The following P2RX5 variants were observed in gnomAD, a reference collection of about 807,000 sequenced individuals.
P2RX5 encodes P2X purinoceptor 5.
In P2RX5, 46 loss-of-function variants were observed where a neutral mutation model predicts 54.1. That is an observed-to-expected ratio of 0.85 (90% CI 0.67 to 1.09). P2RX5 has a LOEUF of 1.09. P2RX5 is among the 50% of genes least tolerant of loss of function. P2RX5 has a pLI of 0.00. For synonymous variants in P2RX5, 226 were observed against 226.4 expected, an observed-to-expected ratio of 1.00 and a Z score of 0.02; for missense variants, 566 against 549.8, an observed-to-expected ratio of 1.03 and a Z score of -0.29.
chr17:3,697,560 G>A (rs1189903292), upstream of P2RX5, among the ~76,000 whole-genome samples: 1 of 152,152 alleles, frequency 6.6e-6, no homozygotes, highest in Non-Finnish European at 1.5e-5. Flanking sequence ...AAATTCATCA[G>A]TGTGATTCTA....
chr17:3,680,217 A>C (rs972176748), intron 10 of P2RX5, among the ~76,000 whole-genome samples: 1 of 48,704 alleles, frequency 2.1e-5, no homozygotes, highest in Non-Finnish European at 4.1e-5. Flanking sequence ...TCCACCCTGC[A>C]TCCTCCACCC....
chr17:3,713,454 T>C, the P2RX5 span, among the ~76,000 whole-genome samples: 1 of 152,110 alleles, frequency 6.6e-6, no homozygotes, highest in Non-Finnish European at 1.5e-5. Context: ...AGAGTGTTTT[T>C]AAAAATCTCA....
At chr17:3,723,817 G>GC in the P2RX5 span, 1 of 1,571,114 alleles carries the variant, frequency 6.4e-7, no homozygotes, top group Non-Finnish European at 8.6e-7. Context: ...CCCGGCCCCG[G>GC]CCCTGGCGAG....
At chr17:3,720,437 C>CT in the P2RX5 span, 1 of 964,166 alleles carries the variant, frequency 1.0e-6, no homozygotes, top group South Asian at 1.3e-5. Context: ...GGAAACAAAA[C>CT]ATATTTTAGA....
In P2RX5 at chr17:3,689,872, G is replaced by A. The variant is rs992962626; in HGVS notation, c.614+198C>T. Among the ~76,000 whole-genome samples the A allele has an allele frequency of 2.6e-5, 4 of 151,280 alleles. 1 individual carries two copies. The highest frequency in any genetic ancestry group is 2.0e-4 in the Admixed American group (3 of 15,210). ...CACGCGTGCACGCACGCACACACGC[G>A]AACACACGCACACACACAAACGCAC... On this transcript the variant is annotated intron_variant, in intron 6 of 11. Coordinates refer to ENST00000225328, the MANE Select transcript of P2RX5 (RefSeq NM_002561.4).
chr17:3,683,468 C>T (rs910078271), intron 9 of P2RX5, among the ~76,000 whole-genome samples: 1 of 152,252 alleles, frequency 6.6e-6, no homozygotes, highest in African/African-American at 2.4e-5. Context: ...CGCAGTGGCT[C>T]ACGCCTGTGA....
At chr17:3,692,984 C>A (rs1477672644) in intron 1 of P2RX5, among the ~76,000 whole-genome samples, 1 of 151,732 alleles carries the variant, frequency 6.6e-6, no homozygotes, top group Non-Finnish European at 1.5e-5. Context: ...AAAAGACAAC[C>A]CACAGAATGG....
At chr17:3,700,887 G>A (rs536112689), upstream of P2RX5, among the ~76,000 whole-genome samples, 1 of 152,188 alleles carries the variant, frequency 6.6e-6, no homozygotes, top group South Asian at 2.1e-4. Flanking sequence ...CACCATGATT[G>A]GAAGCTTCCT....
chr17:3,677,394 C>G, intron 11 of P2RX5: 1 of 985,390 alleles, frequency 1.0e-6, no homozygotes, highest in South Asian at 4.7e-5. Context: ...TCCCCTTCCC[C>G]ATCTTACCTA....
upstream of P2RX5, among the ~76,000 whole-genome samples, chr17:3,697,668 A>G (rs1274623924): frequency 6.6e-6 from 1 of 152,226 alleles, no homozygotes; most frequent in Non-Finnish European, 1.5e-5. Context: ...TCAAATTTTC[A>G]TTCACGAAAT....
At chr17:3,703,726 TC>T in the P2RX5 span, among the ~76,000 whole-genome samples, 3 of 151,328 alleles carry the variant, frequency 2.0e-5, no homozygotes, top group Non-Finnish European at 4.4e-5. Flanking sequence ...AAATAACACC[TC>T]CCCCTTAGCC....
the P2RX5 span, chr17:3,723,193 A>G: frequency 1.1e-5 from 10 of 886,636 alleles, no homozygotes; most frequent in East Asian, 4.9e-5. Context: ...TATTTTGGAC[A>G]TGGACATGTT....
At chr17:3,693,830 CT>C (rs758536424) in intron 1 of P2RX5, among the ~76,000 whole-genome samples, 1,832 of 146,756 alleles carry the variant, frequency 0.012, 14 homozygotes, top group Middle Eastern at 0.025. Flanking sequence ...CATTCTTCTT[CT>C]TTTTTTTTTT....
the P2RX5 span, among the ~76,000 whole-genome samples, chr17:3,715,518 G>A: frequency 6.6e-6 from 1 of 152,132 alleles, no homozygotes; most frequent in Non-Finnish European, 1.5e-5. Context: ...CAGCCTACGC[G>A]TACGCAGAGG....
At chr17:3,691,884 C>A (rs2050627816) in intron 1 of P2RX5, 90 bp from the exon 2 acceptor site, 2 of 1,361,668 alleles carry the variant, frequency 1.5e-6, no homozygotes, top group Non-Finnish European at 2.1e-6. Context: ...GCAGTCACAG[C>A]AACTCCTAGT....
At chr17:3,715,936 C>T in the P2RX5 span, among the ~76,000 whole-genome samples, 1 of 152,046 alleles carries the variant, frequency 6.6e-6, no homozygotes, top group Non-Finnish European at 1.5e-5. Flanking sequence ...GCGGGAGGAT[C>T]ACAAGGTCAG....
chr17:3,716,607 G>T, the P2RX5 span: 2 of 820,980 alleles, frequency 2.4e-6, no homozygotes, highest in South Asian at 3.0e-5. Flanking sequence ...CTCTAAGTCA[G>T]AGGTTGGCTG....
At chr17:3,677,777 G>T (rs1299183533) in intron 11 of P2RX5, 11 of 985,238 alleles carry the variant, frequency 1.1e-5, no homozygotes. Context: ...ATGAGTGAAG[G>T]TGCAGCCAGG....
intron 9 of P2RX5, chr17:3,682,291 C>T (rs1456877698): frequency 4.9e-6 from 2 of 410,818 alleles, no homozygotes; most frequent in African/African-American, 4.1e-5. Flanking sequence ...CCAGTGTCTG[C>T]ACCGAAGTAC....
Sources: gnomAD v4.1 joint callset for allele counts (sites outside exome capture counted in the v4.1 genomes callset) on GRCh38, gnomAD v4.1.1 for gene constraint, MANE v1.5 for transcripts, NCBI Gene and HGNC (gene_info 2026-07-23, HGNC 2026-07-21) for gene names.